Variants in CADPS observed in about 807,000 individuals in gnomAD.
CADPS encodes the protein calcium dependent secretion activator, also known as calcium-dependent secretion activator 1.
Under a neutral mutation model 167.3 loss-of-function variants are expected in CADPS, and 57 were observed. That is an observed-to-expected ratio of 0.34 (90% CI 0.28 to 0.42). CADPS has a LOEUF of 0.42. CADPS is among the 20% of genes least tolerant of loss of function. The pLI, the probability that CADPS is intolerant of heterozygous loss-of-function variation, is 1.00. For missense variants in CADPS, 1,414 were observed against 1,738.1 expected, an observed-to-expected ratio of 0.81 and a Z score of 3.32; for synonymous variants, 676 against 635.3, an observed-to-expected ratio of 1.06 and a Z score of -0.96.
chr3:62,704,029 G>C (rs2081912247), intron 3 of CADPS, among the ~76,000 whole-genome samples: 1 of 152,102 alleles, frequency 6.6e-6, no homozygotes, highest in South Asian at 2.1e-4. Context: ...CCTACCACCA[G>C]GGATATTAAG....
At chr3:62,743,875 A>C (rs544755770) in intron 3 of CADPS, among the ~76,000 whole-genome samples, 6 of 152,198 alleles carry the variant, frequency 3.9e-5, no homozygotes, top group Non-Finnish European at 8.8e-5. Context: ...AGACCAAATA[A>C]AAGAGATTCA....
chr3:62,667,776 G>A lies in CADPS; in HGVS notation c.889-5382C>T, dbSNP rs141068984. On this transcript the variant is annotated intron_variant, in intron 3 of 29. Coordinates refer to ENST00000383710, the MANE Select transcript of CADPS (RefSeq NM_003716.4). Reference sequence around the variant, plus strand: ...TTCCTGTGTGCTTCATTTTTCTCACGTCTGCAGACAGAATTTTGGGGGTGG... The same window carrying A: ...TTCCTGTGTGCTTCATTTTTCTCACATCTGCAGACAGAATTTTGGGGGTGG... 1.7e-3 allele frequency among the ~76,000 whole-genome samples: 253 copies of A among 151,830 alleles called. 2 individuals carry two copies. The highest frequency in any genetic ancestry group is 5.7e-3 in the African/African-American group (237 of 41,398).
At chr3:62,659,248 G>A (rs1533160) in intron 4 of CADPS, among the ~76,000 whole-genome samples, 24,408 of 152,030 alleles carry the variant, frequency 0.16, 1,971 homozygotes, top group Middle Eastern at 0.27. Flanking sequence ...AGAAAAATCG[G>A]GGCATGCTAA....
At chr3:62,413,817 C>T (rs543553868) in intron 28 of CADPS, among the ~76,000 whole-genome samples, 41 of 151,798 alleles carry the variant, frequency 2.7e-4, no homozygotes, top group African/African-American at 5.3e-4. Flanking sequence ...ATACTTAAAA[C>T]GAAACTTTGC....
rs764130979 is a variant in CADPS, at chr3:62,478,106, C to T, written c.3329+155G>A. 87 of 751,048 alleles carry T rather than the reference C, an allele frequency of 1.2e-4. 1 individual carries two copies. The highest frequency in any genetic ancestry group is 6.5e-4 in the East Asian group (25 of 38,280). The allele number at this position is 751,048 out of a possible 1,614,324, so 46.5% of individuals were successfully genotyped here. On this transcript the variant is annotated intron_variant, in intron 23 of 29. Coordinates refer to ENST00000383710, the MANE Select transcript of CADPS (RefSeq NM_003716.4). The surrounding 1 kb of genome is among the most constrained non-coding windows in gnomAD (Gnocchi z 5.7). ...GGAGGGCAGGTGAATGGAAGTTAGA[C>T]GTTGACAGCCACTACTCCAGCTGAC...
Position 62,706,621 on chromosome 3 carries a change from T to C in CADPS, c.889-44227A>G, listed in dbSNP as rs984589745. 7.2e-5 allele frequency among the ~76,000 whole-genome samples: 11 copies of C among 152,244 alleles called. No homozygotes were observed. The Middle Eastern group carries it at 0.014, about 188-fold the overall frequency. ...AGTCTGTTCTGGGCCTCTCCCTAGC[T>C]TCTGATGCTTTGGCAGCCACCCTTG... On this transcript the variant is annotated intron_variant, in intron 3 of 29. Coordinates refer to ENST00000383710, the MANE Select transcript of CADPS (RefSeq NM_003716.4).
In CADPS at chr3:62,557,485, C is replaced by T; in HGVS notation, c.1673G>A (p.Ser558Asn). 1 of 1,613,982 alleles carries T rather than the reference C, an allele frequency of 6.2e-7. No homozygotes were observed. The highest frequency in any genetic ancestry group is 8.5e-7 in the Non-Finnish European group (1 of 1,179,884). The change falls in exon 10 of 30, where the codon AGT becomes AAT. Residue 558 changes from serine (S) to asparagine (N), a missense_variant. By Grantham distance (46) the Ser-to-Asn change is conservative (BLOSUM62 1). Transcript: ENST00000383710. Reference sequence around the variant, plus strand: ...AGGCTCCGCTTTCTTCTCCCGATAACTGCACATGGCAAACGTGTACTGACT... The same window carrying T: ...AGGCTCCGCTTTCTTCTCCCGATAATTGCACATGGCAAACGTGTACTGACT... ...QVSQYTFAMC[S>N]YREKKAEPQE... is the part of the protein sequence containing the mutation.
intron 21 of CADPS, among the ~76,000 whole-genome samples, chr3:62,487,192 T>C (rs778240698): frequency 8.5e-5 from 13 of 152,280 alleles, no homozygotes; most frequent in Non-Finnish European, 1.3e-4. Context: ...TAAGTAAAGA[T>C]TGAGTGACCA....
chr3:62,715,849 C>G lies in CADPS; in HGVS notation c.888+37592G>C, dbSNP rs555366623. 7.0e-3 allele frequency among the ~76,000 whole-genome samples: 612 copies of G among 87,944 alleles called. 6 individuals are homozygous for G. The highest frequency in any genetic ancestry group is 0.018 in the Middle Eastern group (3 of 164). 57.7% of individuals were successfully genotyped at this position (87,944 alleles called of 152,430 possible). On this transcript the variant is annotated intron_variant, in intron 3 of 29. Transcript: ENST00000383710. ...TCAGCTCACTGCAAGCTCCGCCTCCCGGGTTCATGCCTCAGCCTCCTGAGT... is the reference window on the plus strand; with the variant it reads ...TCAGCTCACTGCAAGCTCCGCCTCCGGGGTTCATGCCTCAGCCTCCTGAGT...
At chr3:62,548,697 C>T (rs902841134) in intron 11 of CADPS, among the ~76,000 whole-genome samples, 2 of 152,242 alleles carry the variant, frequency 1.3e-5, no homozygotes, top group African/African-American at 4.8e-5. Flanking sequence ...GAGGAGAGAT[C>T]GTGCAAGCAC....
chr3:62,500,848 C>T (rs1471652305), intron 17 of CADPS, among the ~76,000 whole-genome samples: 3 of 152,160 alleles, frequency 2.0e-5, no homozygotes, highest in South Asian at 2.1e-4. Flanking sequence ...GCATTTCTTA[C>T]GTAATGAACA....
chr3:62,782,475 C>T (rs1380287442), intron 1 of CADPS, among the ~76,000 whole-genome samples: 1 of 152,216 alleles, frequency 6.6e-6, no homozygotes, highest in Non-Finnish European at 1.5e-5. Flanking sequence ...CAATGGATGA[C>T]ATGAGTTCAC....
At chr3:62,775,501 A>G (rs891119894) in intron 1 of CADPS, among the ~76,000 whole-genome samples, 2 of 152,218 alleles carry the variant, frequency 1.3e-5, no homozygotes, top group African/African-American at 4.8e-5. Flanking sequence ...TATCAAAAAA[A>G]TCTTTAGGTA....
intron 1 of CADPS, among the ~76,000 whole-genome samples, chr3:62,787,454 A>T (rs1307393999): frequency 6.6e-6 from 1 of 152,158 alleles, no homozygotes; most frequent in East Asian, 1.9e-4. Flanking sequence ...AACATAAATA[A>T]ATCAATGTAT....
In CADPS at chr3:62,590,126, T is replaced by C. The variant is rs1341975762; in HGVS notation, c.1437+2511A>G. ...ATCACATGAACCTGGGAGGTGGAGG[T>C]TGCAGCAAGCCGAGATCACGCCACT... On this transcript the variant is annotated intron_variant, in intron 7 of 29. Transcript: ENST00000383710. Among the ~76,000 whole-genome samples the C allele has an allele frequency of 4.0e-5, 6 of 150,612 alleles. No individual in the cohort carries two copies. In the South Asian group the frequency reaches 1.3e-3, roughly 32 times the overall value.
At chr3:62,838,196 A>G (rs1424099178) in intron 1 of CADPS, among the ~76,000 whole-genome samples, 1 of 152,216 alleles carries the variant, frequency 6.6e-6, no homozygotes, top group Non-Finnish European at 1.5e-5. Context: ...CGCATATATT[A>G]CTGACCTCAC....
intron 2 of CADPS, among the ~76,000 whole-genome samples, chr3:62,758,043 AC>A (rs1481976447): frequency 6.6e-6 from 1 of 152,208 alleles, no homozygotes; most frequent in Non-Finnish European, 1.5e-5. Context: ...TTGAGTGGGG[AC>A]AAAGCCAAAC....
chr3:62,477,884 ATTC>A (rs1308931429), intron 23 of CADPS: 8 of 196,332 alleles, frequency 4.1e-5, no homozygotes, highest in East Asian at 1.1e-4. Flanking sequence ...AGAATTGCAT[ATTC>A]TTCTTTTTTT....
intron 26 of CADPS, among the ~76,000 whole-genome samples, chr3:62,449,265 T>TTTTTC (rs560610657): frequency 1.9e-4 from 29 of 152,276 alleles, no homozygotes; most frequent in South Asian, 6.2e-4. Flanking sequence ...TCTGGACGTG[T>TTTTTC]TTTTCTTTTC....
Sources: allele counts gnomAD v4.1 joint callset (sites outside exome capture counted in the v4.1 genomes callset), GRCh38; gene constraint gnomAD v4.1.1; non-coding constraint Gnocchi (gnomAD v3.1); transcripts MANE v1.5; gene names NCBI Gene and HGNC (gene_info 2026-07-23, HGNC 2026-07-21).